CFAP65: variants seen among roughly 807,000 people sequenced by gnomAD.
CFAP65 encodes the protein cilia- and flagella-associated protein 65.
A neutral mutation model predicts 208.0 loss-of-function variants in CFAP65; 155 were observed. The observed-to-expected ratio is 0.75, with a 90% CI of 0.65 to 0.85. CFAP65 has a LOEUF of 0.85. Ranked by LOEUF, CFAP65 falls within the 40% of genes least tolerant of loss-of-function variation. The pLI, the probability that CFAP65 is intolerant of heterozygous loss-of-function variation, is 0.00. For synonymous variants in CFAP65, 970 were observed against 986.3 expected, an observed-to-expected ratio of 0.98 and a Z score of 0.31; for missense variants, 2,294 against 2,451.3, an observed-to-expected ratio of 0.94 and a Z score of 1.36.
chr2:219,007,590 T>C (rs41319648), intron 29 of CFAP65, among the ~76,000 whole-genome samples: 14,004 of 152,088 alleles, frequency 0.092, 2,125 homozygotes, highest in African/African-American at 0.32. Context: ...AGAATACCAG[T>C]GTAGGAAGGT....
chr2:219,040,595 T>C (rs191314865), intron 1 of CFAP65, 31 bp from the exon 2 acceptor site: 1 of 1,552,322 alleles, frequency 6.4e-7, no homozygotes, highest in Non-Finnish European at 8.7e-7. Context: ...TCCATTACTT[T>C]TCTGCCACGG....
At chr2:219,016,092 A>AG (rs1299211693) in intron 21 of CFAP65, among the ~76,000 whole-genome samples, 4 of 152,078 alleles carry the variant, frequency 2.6e-5, no homozygotes, top group East Asian at 3.8e-4. Context: ...GGACTTGGAG[A>AG]GGGGGCTGCG....
chr2:219,009,877 G>C (rs1283711127), intron 27 of CFAP65, 65 bp downstream of exon 27: 2 of 1,467,368 alleles, frequency 1.4e-6, no homozygotes, highest in Non-Finnish European at 1.8e-6. Flanking sequence ...GTATGGGATG[G>C]GGTCAGGTGG....
At chr2:219,017,770 C>A (rs957491967) in intron 21 of CFAP65, among the ~76,000 whole-genome samples, 1 of 152,254 alleles carries the variant, frequency 6.6e-6, no homozygotes, top group African/African-American at 2.4e-5. Flanking sequence ...GCTTTTTCTG[C>A]CCCCAACCCT....
Position 219,030,180 on chromosome 2 carries a change from G to A in CFAP65, c.1190C>T (p.Ser397Phe), listed in dbSNP as rs1323684934. 3 of 1,614,008 alleles carry A rather than the reference G, an allele frequency of 1.9e-6. No individual in the cohort carries two copies. The highest frequency in any genetic ancestry group is 2.5e-6 in the Non-Finnish European group (3 of 1,180,026). Residue 397 changes from serine to phenylalanine, a missense_variant, in exon 10 of 35, where the codon TCC becomes TTC. Ser to Phe is a radical substitution (Grantham distance 155). Around this residue, in one of 2 missense-constraint regions of CFAP65, gnomAD observed 867 missense variants for 1,012.6 expected, o/e 0.86. Coordinates refer to ENST00000341552, the MANE Select transcript of CFAP65 (RefSeq NM_194302.4). ...CTGGTCTTCGGCCAGTTCATCCGGGGAAATTTCAATCCTGAAGGGGGCATT... is the reference window on the plus strand; with the variant it reads ...CTGGTCTTCGGCCAGTTCATCCGGGAAAATTTCAATCCTGAAGGGGGCATT... The part of the protein sequence containing the change: ...AVNAPFRIEI[S>F]PDELAEDQAF...
chr2:219,028,990 C>G (rs1020445628), intron 11 of CFAP65, among the ~76,000 whole-genome samples: 26 of 152,198 alleles, frequency 1.7e-4, no homozygotes, highest in African/African-American at 5.8e-4. Flanking sequence ...GCCCAGGGAC[C>G]TAGGGTTGGG....
At position 219,027,961 on chromosome 2, in the gene CFAP65, T is replaced by C. The variant is rs61748325; in HGVS notation, c.1900A>G (p.Thr634Ala). The part of the protein sequence containing the change: ...APQYPYIPPM[T>A]EFFFDGTSDI... ...CTGGTGCCGTCGAAGAAGAACTCGG[T>C]CATGGGGGGGATATAAGGGTACTGC... The change falls in exon 13 of 35, where the codon ACC becomes GCC. Residue 634 changes from threonine (T) to alanine (A), a missense_variant. Coordinates refer to ENST00000341552, the MANE Select transcript of CFAP65 (RefSeq NM_194302.4). The C allele has an allele frequency of 9.4e-5, 142 of 1,517,292 alleles. No homozygotes were observed. In the African/African-American group the frequency reaches 1.9e-3, roughly 20 times the overall value. 94.0% of individuals were successfully genotyped at this position (1,517,292 alleles called of 1,614,324 possible). A position where few individuals can be genotyped will look rare whatever the true frequency, so the allele number is the denominator to read the frequency against.
intron 31 of CFAP65, 146 bp from the exon 32 acceptor site, chr2:219,005,708 G>A (rs1945920010): frequency 1.1e-6 from 1 of 947,056 alleles, no homozygotes; most frequent in South Asian, 1.7e-5. Flanking sequence ...GTGCTACTGG[G>A]TTCAGAGAAC....
At chr2:219,033,226 C>G (rs1307969545) in intron 5 of CFAP65, among the ~76,000 whole-genome samples, 1 of 152,196 alleles carries the variant, frequency 6.6e-6, no homozygotes, top group African/African-American at 2.4e-5. Context: ...AATCCCAGCA[C>G]TTTGAGAGGC....
chr2:219,038,344 C>T lies in CFAP65; in HGVS notation c.357+31G>A, dbSNP rs375577909. 3.1e-6 allele frequency: 5 copies of T among 1,606,856 alleles called. No homozygotes were observed. The African/African-American group carries it at 4.0e-5, about 13-fold the overall frequency. Reference sequence around the variant, plus strand: ...ATGCCCCGCCCTGGCCCTGCCACACCCTGCTCTGCCTGCCCTGGCTGTATC... The same window carrying T: ...ATGCCCCGCCCTGGCCCTGCCACACTCTGCTCTGCCTGCCCTGGCTGTATC... On this transcript the variant is annotated intron_variant, in intron 4 of 34. Transcript: ENST00000341552.
Position 219,027,680 on chromosome 2 carries a change from C to T in CFAP65, c.2181G>A (p.Thr727=), listed in dbSNP as rs781510188. ...AGATGGCGAAGGCTTCGAGCTCCAC[C>T]GTGTAAAGGCAGTTGGGGTGAGGCG... The part of the protein sequence containing the change: ...FQPPHPNCLY[T]VELEAFAIYK... The change falls in exon 13 of 35, where the codon ACG becomes ACA. Residue 727 remains threonine, a synonymous_variant. Coordinates refer to ENST00000341552, the MANE Select transcript of CFAP65 (RefSeq NM_194302.4). 19 of 1,614,014 alleles carry T rather than the reference C, an allele frequency of 1.2e-5. No homozygotes were observed. Among genetic ancestry groups the T allele is most frequent in the South Asian group, 5.5e-5 (5 of 91,076 alleles).
rs1021039207 is a variant in CFAP65 at position 219,019,400 on chromosome 2, G to A, written c.3473+106C>T. 105 of 1,134,314 alleles carry A rather than the reference G, an allele frequency of 9.3e-5. 2 individuals are homozygous for A. The South Asian group carries it at 1.3e-3, about 14-fold the overall frequency. 70.3% of individuals were successfully genotyped at this position (1,134,314 alleles called of 1,614,324 possible). A position where few individuals can be genotyped will look rare whatever the true frequency, so the allele number is the denominator to read the frequency against. On this transcript the variant is annotated intron_variant, in intron 20 of 34. Coordinates refer to ENST00000341552, the MANE Select transcript of CFAP65 (RefSeq NM_194302.4). ...AACTGGGGAGCTCTTCCCTCAAAGA[G>A]ATGGGAAACAGCTTCCTTGTTCTGG...
Position 219,028,312 on chromosome 2 carries a change from G to C in CFAP65, c.1740C>G (p.Arg580=). 1 of 1,614,146 alleles carries C rather than the reference G, an allele frequency of 6.2e-7. No homozygotes were observed. The highest frequency in any genetic ancestry group is 1.1e-5 in the South Asian group (1 of 91,084). ...ILKPQHLTWY[R]THLARGLTLY... is the part of the protein sequence containing the mutation. ...GCGTCAGGCCCCGGGCCAGGTGTGT[G>C]CGGTACCAGGTGAGGTGCTGAGGCT... Residue 580 remains arginine (R), a synonymous_variant, in exon 12 of 35, where the codon CGC becomes CGG. Coordinates refer to ENST00000341552, the MANE Select transcript of CFAP65 (RefSeq NM_194302.4).
intron 29 of CFAP65, among the ~76,000 whole-genome samples, chr2:219,006,819 G>A (rs1375497203): frequency 6.8e-6 from 1 of 146,346 alleles, no homozygotes; most frequent in Non-Finnish European, 1.5e-5. Flanking sequence ...GGGTGACACA[G>A]CGAGACTCTG....
intron 21 of CFAP65, chr2:219,014,294 C>G (rs1258080781): frequency 2.8e-6 from 1 of 356,056 alleles, no homozygotes; most frequent in Non-Finnish European, 5.1e-6. Context: ...GGGGCTCCCA[C>G]TGTGGATGCC....
chr2:219,030,977 C>A, intron 8 of CFAP65, 129 bp downstream of exon 8: 2 of 1,424,100 alleles, frequency 1.4e-6, no homozygotes, highest in Admixed American at 2.2e-5. Flanking sequence ...GCCTTCTGGG[C>A]TTGGGGGAGG....
intron 29 of CFAP65, among the ~76,000 whole-genome samples, chr2:219,007,979 C>T (rs1429964874): frequency 1.3e-5 from 2 of 151,876 alleles, no homozygotes; most frequent in Non-Finnish European, 2.9e-5. Context: ...CCATCATGGC[C>T]GGCTAATTTT....
intron 21 of CFAP65, chr2:219,018,297 ATGG>A (rs1947039308): frequency 6.6e-6 from 1 of 152,234 alleles, no homozygotes; most frequent in South Asian, 2.1e-4. Context: ...ACAAAGGCAC[ATGG>A]TGGAGGGAGG....
intron 2 of CFAP65, 26 bp from the exon 3 acceptor site, chr2:219,039,076 G>GTCAA (rs954892085): frequency 6.4e-7 from 1 of 1,573,400 alleles, no homozygotes. Context: ...CAAAGCATAA[G>GTCAA]TCAATCCATC....
Sources: allele counts gnomAD v4.1 joint callset (sites outside exome capture counted in the v4.1 genomes callset), GRCh38; gene constraint gnomAD v4.1.1; regional missense constraint gnomAD v4.1.1; transcripts MANE v1.5; gene names NCBI Gene and HGNC (gene_info 2026-07-23, HGNC 2026-07-21).